Variants in WWOX observed in about 807,000 individuals in gnomAD.
WWOX encodes the protein WW domain containing oxidoreductase, also known as WW domain-containing oxidoreductase.
Under a neutral mutation model 46.2 loss-of-function variants are expected in WWOX, and 69 were observed. That is an observed-to-expected ratio of 1.49 (90% CI 1.23 to 1.82). The LOEUF is 1.82. WWOX is among the 40% of genes most tolerant of loss of function. The pLI is 0.00. For missense variants in WWOX, 919 were observed against 542.6 expected, an observed-to-expected ratio of 1.69 and a Z score of -6.89; for synonymous variants, 359 against 202.6, an observed-to-expected ratio of 1.77 and a Z score of -6.56.
intron 5 of WWOX, among the ~76,000 whole-genome samples, chr16:78,296,820 G>A (rs1044596907): frequency 1.3e-5 from 2 of 152,154 alleles, no homozygotes; most frequent in South Asian, 2.1e-4. Context: ...GCACCTAAAG[G>A]AGTTTTGAGA....
intron 8 of WWOX, among the ~76,000 whole-genome samples, chr16:78,465,323 C>T (rs1474095854): frequency 6.6e-6 from 1 of 152,182 alleles, no homozygotes; most frequent in African/African-American, 2.4e-5. Context: ...CTGAATGTGG[C>T]CCTGAGGGAG....
intron 8 of WWOX, among the ~76,000 whole-genome samples, chr16:78,627,514 C>A (rs116598681): frequency 1.9e-3 from 291 of 152,248 alleles, no homozygotes; most frequent in African/African-American, 6.3e-3. Context: ...CCCAGGATGC[C>A]AACAAGAAGT....
intron 8 of WWOX, among the ~76,000 whole-genome samples, chr16:78,992,147 G>A (rs896098335): frequency 6.6e-6 from 1 of 152,150 alleles, no homozygotes; most frequent in Non-Finnish European, 1.5e-5. Context: ...TGTCCTTGAG[G>A]CATTCACAGG....
intron 8 of WWOX, among the ~76,000 whole-genome samples, chr16:78,465,022 C>G (rs11866424): frequency 8.5e-5 from 13 of 152,250 alleles, no homozygotes; most frequent in Non-Finnish European, 1.5e-4. Context: ...GACAAGAAAG[C>G]GTGTGCAGGG....
chr16:78,356,603 C>A (rs1033004050), intron 5 of WWOX, among the ~76,000 whole-genome samples: 2 of 152,172 alleles, frequency 1.3e-5, no homozygotes, highest in African/African-American at 4.8e-5. Flanking sequence ...AAAGTTCCGG[C>A]TGGGCACGGT....
chr16:78,739,073 G>A (rs1232658402), intron 8 of WWOX, among the ~76,000 whole-genome samples: 2 of 152,072 alleles, frequency 1.3e-5, no homozygotes, highest in East Asian at 1.9e-4. Context: ...AGGAATAGAG[G>A]GTTCCTCACT....
At chr16:78,595,461 C>T (rs2045466157) in intron 8 of WWOX, among the ~76,000 whole-genome samples, 1 of 152,194 alleles carries the variant, frequency 6.6e-6, no homozygotes, top group Admixed American at 6.5e-5. Context: ...CAAAGATCCG[C>T]CATGTCTTTG....
Position 78,981,332 on chromosome 16 carries a change from GA to G in WWOX, c.1057-230272del, listed in dbSNP as rs975015285. On this transcript the variant is annotated intron_variant, in intron 8 of 8. Transcript: ENST00000566780. ...TAACCAAAAATGCTGGGTGGGGGGG[GA>G]AAACGCCAGCAGATCTCTTTAGGGC... Among the ~76,000 whole-genome samples the G allele has an allele frequency of 3.9e-5, 6 of 152,170 alleles. 1 individual carries two copies. The highest frequency in any genetic ancestry group is 1.4e-4 in the African/African-American group (6 of 41,536).
At chr16:78,755,679 T>G (rs1487992308) in intron 8 of WWOX, among the ~76,000 whole-genome samples, 1 of 152,220 alleles carries the variant, frequency 6.6e-6, no homozygotes, top group Non-Finnish European at 1.5e-5. Flanking sequence ...CTCAGGACCC[T>G]GCACCAGGGC....
chr16:78,132,946 C>T (rs1375677564), intron 4 of WWOX, among the ~76,000 whole-genome samples: 1 of 152,198 alleles, frequency 6.6e-6, no homozygotes, highest in East Asian at 1.9e-4. Context: ...AGAGAATCGT[C>T]ACTTCAGCTT....
At chr16:78,984,452 CAGCTGTAGACAGTAAGTG>C (rs2151337577) in intron 8 of WWOX, among the ~76,000 whole-genome samples, 1 of 152,306 alleles carries the variant, frequency 6.6e-6, no homozygotes, top group African/African-American at 2.4e-5. Context: ...AGTGCAAAAG[CAGCTGTAGACAGTAAGTG>C]AATGGATGGG....
intron 8 of WWOX, among the ~76,000 whole-genome samples, chr16:79,143,307 T>TTA (rs1188761670): frequency 1.3e-5 from 2 of 152,214 alleles, no homozygotes; most frequent in Non-Finnish European, 2.9e-5. Flanking sequence ...ACAAAAACTG[T>TTA]TACCGCCTAA....
At chr16:78,775,506 C>A (rs1314770847) in intron 8 of WWOX, among the ~76,000 whole-genome samples, 1 of 152,080 alleles carries the variant, frequency 6.6e-6, no homozygotes, top group Non-Finnish European at 1.5e-5. Flanking sequence ...ACTGTAGCGC[C>A]CTCCGGGGGG....
rs75433644 is a variant in WWOX at position 79,164,010 on chromosome 16, A to G, written c.1057-47598A>G. 8.7e-3 allele frequency among the ~76,000 whole-genome samples: 1,321 copies of G among 152,282 alleles called. 20 individuals are homozygous for G. The highest frequency in any genetic ancestry group is 0.03 in the African/African-American group (1,256 of 41,546). ...GGTTTGCAAATAAACAGTGAGAAGTATAAGCTAAACATAGACTTTAGGCAT... is the reference window on the plus strand; with the variant it reads ...GGTTTGCAAATAAACAGTGAGAAGTGTAAGCTAAACATAGACTTTAGGCAT... On this transcript the variant is annotated intron_variant, in intron 8 of 8. Coordinates refer to ENST00000566780, the MANE Select transcript of WWOX (RefSeq NM_016373.4).
At chr16:78,215,817 T>G (rs2036701315) in intron 5 of WWOX, among the ~76,000 whole-genome samples, 1 of 151,970 alleles carries the variant, frequency 6.6e-6, no homozygotes, top group African/African-American at 2.4e-5. Context: ...TCCCAGCTAT[T>G]TGGGACCCTG....
At chr16:78,646,435 A>AT (rs559139931) in intron 8 of WWOX, among the ~76,000 whole-genome samples, 20 of 149,770 alleles carry the variant, frequency 1.3e-4, no homozygotes, top group East Asian at 5.9e-4. Flanking sequence ...ATATATTTTA[A>AT]TTTTTTTTTT....
chr16:79,097,685 T>A (rs949282623), intron 8 of WWOX, among the ~76,000 whole-genome samples: 3 of 152,172 alleles, frequency 2.0e-5, no homozygotes, highest in African/African-American at 7.2e-5. Context: ...TGCAATTTAA[T>A]TCTGTTTCCA....
chr16:79,124,386 A>C (rs2049706064), intron 8 of WWOX, among the ~76,000 whole-genome samples: 1 of 152,204 alleles, frequency 6.6e-6, no homozygotes, highest in African/African-American at 2.4e-5. Flanking sequence ...ACCATAGAGA[A>C]GTATAAGTAA....
At chr16:78,849,177 A>G (rs369470167) in intron 8 of WWOX, among the ~76,000 whole-genome samples, 71 of 152,308 alleles carry the variant, frequency 4.7e-4, no homozygotes, top group Middle Eastern at 3.4e-3. Context: ...CTGCCCAAAC[A>G]TACAAGAGTC....
Sources: gnomAD v4.1 joint callset for allele counts (sites outside exome capture counted in the v4.1 genomes callset) on GRCh38, gnomAD v4.1.1 for gene constraint, MANE v1.5 for transcripts, NCBI Gene and HGNC (gene_info 2026-07-23, HGNC 2026-07-21) for gene names.